Variants in UNC13C observed in about 807,000 individuals in gnomAD.
UNC13C encodes protein unc-13 homolog C.
A neutral mutation model predicts 245.4 loss-of-function variants in UNC13C; 174 were observed. The ratio of observed to expected loss-of-function variants is 0.71; its 90% CI spans 0.63 to 0.80. The LOEUF is 0.80. Ranked by LOEUF, UNC13C falls within the 30% of genes least tolerant of loss-of-function variation. The pLI is 0.00. For missense variants in UNC13C, 2,829 were observed against 2,602.9 expected (o/e 1.09, Z -1.89); for synonymous variants, 992 against 895.1 (o/e 1.11, Z -1.93).
intron 4 of UNC13C, among the ~76,000 whole-genome samples, chr15:54,176,203 C>G (rs1373451143): frequency 1.3e-5 from 2 of 151,038 alleles, no homozygotes; most frequent in African/African-American, 4.9e-5. Flanking sequence ...TTTTTTTTCT[C>G]TGCTAAATTT....
At chr15:54,549,607 T>A in intron 27 of UNC13C, 28 bp from the exon 28 acceptor site, 1 of 1,553,734 alleles carries the variant, frequency 6.4e-7, no homozygotes, top group Non-Finnish European at 8.8e-7. Context: ...TAAGACTGAG[T>A]CTTCTCTCAC....
chr15:54,552,759 A>G (rs1231702050), intron 28 of UNC13C, among the ~76,000 whole-genome samples: 3 of 93,552 alleles, frequency 3.2e-5, no homozygotes, highest in African/African-American at 1.3e-4. Context: ...AGTACAATAT[A>G]TAATATATAG....
chr15:53,865,282 G>A, the UNC13C span, among the ~76,000 whole-genome samples: 105 of 152,194 alleles, frequency 6.9e-4, no homozygotes, highest in African/African-American at 2.5e-3. Context: ...TAGTCCACTC[G>A]GGCTGACAGA....
rs368599329 is a variant in UNC13C, at chr15:54,014,700, C to T, written c.1797C>T (p.Asp599=). ...AGGAAGGAACAGCGACCCTGTATGA[C>T]AGTCCCAAGGACCAGCATTTGAATG... ...RKQEGTATLY[D]SPKDQHLNGG... Residue 599 remains aspartate, a synonymous_variant, in exon 2 of 33, where the codon GAC becomes GAT. Transcript: ENST00000260323. 4 of 1,613,794 alleles carry T rather than the reference C, an allele frequency of 2.5e-6. No homozygotes were observed. In the South Asian group the frequency reaches 3.3e-5, roughly 13 times the overall value.
chr15:54,599,650 C>A (rs1350521914), intron 30 of UNC13C, among the ~76,000 whole-genome samples: 1 of 152,060 alleles, frequency 6.6e-6, no homozygotes, highest in Non-Finnish European at 1.5e-5. Flanking sequence ...ACCCGAAACA[C>A]ATGGTTGTCT....
chr15:54,395,249 A>G (rs1426087756), intron 18 of UNC13C, among the ~76,000 whole-genome samples: 1 of 151,838 alleles, frequency 6.6e-6, no homozygotes, highest in African/African-American at 2.4e-5. Context: ...CTGGTGGCCA[A>G]TGTTGCATTT....
chr15:54,339,400 C>CT (rs1319186654), intron 17 of UNC13C, among the ~76,000 whole-genome samples: 3 of 152,024 alleles, frequency 2.0e-5, no homozygotes, highest in African/African-American at 7.2e-5. Context: ...AATTTGTAGT[C>CT]TTTTTTCCCT....
intron 4 of UNC13C, among the ~76,000 whole-genome samples, chr15:54,170,916 A>G (rs533585303): frequency 6.6e-6 from 1 of 152,294 alleles, no homozygotes; most frequent in East Asian, 1.9e-4. Flanking sequence ...CAAGACTCAG[A>G]TGGCATCCCT....
downstream of UNC13C, chr15:54,633,255 T>C (rs1313704232): frequency 2.0e-5 from 3 of 152,234 alleles, no homozygotes. Flanking sequence ...CTTAACAATA[T>C]TGAATCTTCA....
At chr15:54,134,465 C>G (rs776008087) in intron 2 of UNC13C, among the ~76,000 whole-genome samples, 1 of 151,792 alleles carries the variant, frequency 6.6e-6, no homozygotes, top group East Asian at 1.9e-4. Flanking sequence ...CACATATATA[C>G]ACATAACATT....
intron 2 of UNC13C, 60 bp from the exon 3 acceptor site, chr15:54,142,958 C>A (rs1185894116): frequency 9.6e-6 from 14 of 1,462,370 alleles, no homozygotes; most frequent in Non-Finnish European, 1.3e-5. Flanking sequence ...TATGTTTAAA[C>A]AATTTCTTGA....
chr15:54,283,321 A>G (rs572857136), intron 10 of UNC13C, among the ~76,000 whole-genome samples: 1 of 152,302 alleles, frequency 6.6e-6, no homozygotes, highest in South Asian at 2.1e-4. Flanking sequence ...ATATATATAC[A>G]CACACAGAGA....
chr15:54,263,695 C>A (rs1372389414), intron 8 of UNC13C, among the ~76,000 whole-genome samples: 1 of 152,068 alleles, frequency 6.6e-6, no homozygotes, highest in Admixed American at 6.6e-5. Flanking sequence ...CAAGTAAAAT[C>A]TTACATTCTA....
intron 17 of UNC13C, among the ~76,000 whole-genome samples, chr15:54,366,545 T>C (rs2039370454): frequency 6.6e-6 from 1 of 152,178 alleles, no homozygotes; most frequent in South Asian, 2.1e-4. Context: ...TTGTTATTTT[T>C]TTTGATATCT....
chr15:54,411,916 C>T (rs2040423912), intron 18 of UNC13C, among the ~76,000 whole-genome samples: 1 of 152,072 alleles, frequency 6.6e-6, no homozygotes, highest in South Asian at 2.1e-4. Context: ...CTGAGTGTAT[C>T]AGTCTGTAAA....
the UNC13C span, among the ~76,000 whole-genome samples, chr15:53,934,260 A>G: frequency 1.3e-5 from 2 of 152,228 alleles, no homozygotes; most frequent in African/African-American, 4.8e-5. Flanking sequence ...AACAATGGAT[A>G]TTAACTCTCA....
At chr15:54,006,827 A>G (rs1274928430) in intron 1 of UNC13C, among the ~76,000 whole-genome samples, 1 of 151,604 alleles carries the variant, frequency 6.6e-6, no homozygotes, top group African/African-American at 2.4e-5. Context: ...ATCTCCAGCT[A>G]CTCTGGTTTT....
intron 17 of UNC13C, among the ~76,000 whole-genome samples, chr15:54,358,581 T>C (rs1357239341): frequency 1.5e-5 from 2 of 133,838 alleles, no homozygotes; most frequent in African/African-American, 5.6e-5. Context: ...ATAACTATTA[T>C]ACATTGGATT....
chr15:53,853,181 C>G, the UNC13C span, among the ~76,000 whole-genome samples: 10 of 152,194 alleles, frequency 6.6e-5, no homozygotes, highest in East Asian at 1.4e-3. Context: ...CCCCTCACCC[C>G]CAACTGCAAT....
Sources: gnomAD v4.1 joint callset for allele counts (sites outside exome capture counted in the v4.1 genomes callset) on GRCh38, gnomAD v4.1.1 for gene constraint, MANE v1.5 for transcripts, NCBI Gene and HGNC (gene_info 2026-07-23, HGNC 2026-07-21) for gene names.